The following HOXA3 variants were observed in gnomAD, a reference collection of about 807,000 sequenced individuals.
The protein encoded by HOXA3 is homeobox A3.
A neutral mutation model predicts 30.3 loss-of-function variants in HOXA3; 8 were observed. The ratio of observed to expected loss-of-function variants is 0.26; its 90% CI spans 0.15 to 0.48. The LOEUF is 0.48. HOXA3 is among the 20% of genes least tolerant of loss of function. The probability of loss-of-function intolerance (pLI) is 0.99; values close to 1 mark genes in which losing one functional copy is unlikely to be tolerated. For synonymous variants in HOXA3, 323 were observed against 273.1 expected (o/e 1.18, Z -1.80); for missense variants, 653 against 614.4 (o/e 1.06, Z -0.66).
At chr7:27,140,312 A>G (rs1315368902) in intron 1 of HOXA3, 126 bp from the exon 2 acceptor site, 1 of 152,214 alleles carries the variant, frequency 6.6e-6, no homozygotes, top group Non-Finnish European at 1.5e-5. Context: ...TTTTATAGCC[A>G]GTGAGCCGAT....
intron 4 of HOXA3, among the ~76,000 whole-genome samples, chr7:27,114,827 AAT>A (rs1198975434): frequency 1.0e-5 from 1 of 98,498 alleles, no homozygotes; most frequent in African/African-American, 4.0e-5. Context: ...ATATATATAT[AAT>A]ATATATTATA....
At chr7:27,119,552 G>A (rs908170138) in intron 4 of HOXA3, 2 of 152,072 alleles carry the variant, frequency 1.3e-5, no homozygotes, top group African/African-American at 4.8e-5. Context: ...CTCTTTTCTG[G>A]TCTTAGTTTC....
intron 1 of HOXA3, chr7:27,151,478 C>A: frequency 2.4e-6 from 1 of 411,776 alleles, no homozygotes; most frequent in Non-Finnish European, 5.0e-6. Context: ...ACCTTAGCTG[C>A]GGGACCCTGC....
At chr7:27,144,600 C>T (rs1782687482) in intron 1 of HOXA3, among the ~76,000 whole-genome samples, 1 of 152,152 alleles carries the variant, frequency 6.6e-6, no homozygotes, top group Non-Finnish European at 1.5e-5. Flanking sequence ...AGCGAGTGGG[C>T]CCAGGCTCCC....
At chr7:27,147,869 A>G in intron 1 of HOXA3, 1 of 912,104 alleles carries the variant, frequency 1.1e-6, no homozygotes, top group East Asian at 2.7e-5. Flanking sequence ...ACAGCAGCAA[A>G]TCGCACCAGC....
At chr7:27,119,414 A>C (rs1784899371) in intron 4 of HOXA3, 1 of 152,216 alleles carries the variant, frequency 6.6e-6, no homozygotes, top group East Asian at 1.9e-4. Context: ...AACTGTGCTC[A>C]GGAAGAACCT....
chr7:27,151,551 A>T (rs1251574134), intron 1 of HOXA3: 1 of 456,332 alleles, frequency 2.2e-6, no homozygotes, highest in Non-Finnish European at 4.4e-6. Context: ...CACCCAATTA[A>T]TCCCATCCTC....
At chr7:27,147,120 C>T in intron 1 of HOXA3, 1 of 638,392 alleles carries the variant, frequency 1.6e-6, no homozygotes, top group East Asian at 2.7e-5. Flanking sequence ...CCTTGCCCTT[C>T]CTCTGCCATG....
chr7:27,132,559 A>G (rs1204215125), intron 2 of HOXA3, among the ~76,000 whole-genome samples: 2 of 152,226 alleles, frequency 1.3e-5, no homozygotes, highest in Admixed American at 6.5e-5. Context: ...TTAGGTGTAT[A>G]TGAGTGTGAA....
rs759075808 is a variant in HOXA3 at position 27,147,420 on chromosome 7, C to T, written c.-494+4868G>A. On this transcript the variant is annotated intron_variant, in intron 1 of 5. Transcript: ENST00000612286. ...GCCCGCTGCTGCTGTCGGGTTTGTA[C>T]TGCTGCTCGGGAGAAAAGTGCAGGT... The T allele has an allele frequency of 5.6e-6, 9 of 1,614,220 alleles. No individual in the cohort carries two copies. In the South Asian group the frequency reaches 8.8e-5, roughly 16 times the overall value.
At chr7:27,125,033 T>A (rs1448943168) in intron 3 of HOXA3, among the ~76,000 whole-genome samples, 1 of 152,210 alleles carries the variant, frequency 6.6e-6, no homozygotes, top group Non-Finnish European at 1.5e-5. Context: ...CCAAGCAGCT[T>A]TGATGGCCCA....
intron 4 of HOXA3, chr7:27,116,532 A>C (rs970525049): frequency 1.3e-5 from 2 of 152,140 alleles, no homozygotes; most frequent in Admixed American, 1.3e-4. Flanking sequence ...GGGAGGAAAA[A>C]CCAATCTGAG....
intron 2 of HOXA3, among the ~76,000 whole-genome samples, chr7:27,139,735 G>A (rs1352592368): frequency 6.6e-6 from 1 of 152,196 alleles, no homozygotes; most frequent in African/African-American, 2.4e-5. Context: ...CAATTGCGCG[G>A]GGGACTGGGG....
At chr7:27,146,774 G>A (rs1036353338) in intron 1 of HOXA3, among the ~76,000 whole-genome samples, 1 of 152,174 alleles carries the variant, frequency 6.6e-6, no homozygotes, top group African/African-American at 2.4e-5. Context: ...TAGAAGCCGG[G>A]GGAGATGAGG....
chr7:27,136,032 C>T (rs1785701112), intron 2 of HOXA3, among the ~76,000 whole-genome samples: 1 of 152,238 alleles, frequency 6.6e-6, no homozygotes, highest in Non-Finnish European at 1.5e-5. Flanking sequence ...ACGCGTCACT[C>T]TGAGCCATTT....
intron 3 of HOXA3, among the ~76,000 whole-genome samples, chr7:27,125,641 C>T (rs140946190): frequency 2.6e-4 from 40 of 152,344 alleles, no homozygotes; most frequent in Middle Eastern, 3.4e-3. Flanking sequence ...GAAAGGTGAG[C>T]CTGTGTTCTG....
At chr7:27,144,097 T>C (rs750174725) in intron 1 of HOXA3, among the ~76,000 whole-genome samples, 36 of 152,184 alleles carry the variant, frequency 2.4e-4, no homozygotes, top group Non-Finnish European at 4.0e-4. Flanking sequence ...ATGCAGAGGA[T>C]TGGGGGGAGG....
Position 27,113,619 on chromosome 7 carries a change from G to C in HOXA3, c.-120-2859C>G, listed in dbSNP as rs1000045615. On this transcript the variant is annotated intron_variant, in intron 4 of 5. Transcript: ENST00000612286. The surrounding 1 kb of genome is among the most constrained non-coding windows in gnomAD (Gnocchi z 4.8). ...GCCGGGAGCGGCCGGTTGCGGCCCTGCTTACCTTAACTTCTGACGAGCGCA... is the reference window on the plus strand; with the variant it reads ...GCCGGGAGCGGCCGGTTGCGGCCCTCCTTACCTTAACTTCTGACGAGCGCA... 1 of 152,256 alleles carries C rather than the reference G, an allele frequency of 6.6e-6. No homozygotes were observed. Among genetic ancestry groups the C allele is most frequent in the Non-Finnish European group, 1.5e-5 (1 of 68,082 alleles). The allele number at this position is 152,256 out of a possible 1,614,324, so 9.4% of individuals were successfully genotyped here. A position where few individuals can be genotyped will look rare whatever the true frequency, so the allele number is the denominator to read the frequency against.
At chr7:27,130,419 G>A in intron 2 of HOXA3, 12 of 1,176,884 alleles carry the variant, frequency 1.0e-5, no homozygotes, top group South Asian at 8.3e-5. Flanking sequence ...TGGCGCCGCC[G>A]CGGTAGCCAT....
Sources: allele counts gnomAD v4.1 joint callset (sites outside exome capture counted in the v4.1 genomes callset), GRCh38; gene constraint gnomAD v4.1.1; non-coding constraint Gnocchi (gnomAD v3.1); transcripts MANE v1.5; gene names NCBI Gene and HGNC (gene_info 2026-07-23, HGNC 2026-07-21).